Variants in STAM observed in about 807,000 individuals in gnomAD.
STAM encodes signal transducing adaptor molecule.
Under a neutral mutation model 63.4 loss-of-function variants are expected in STAM, and 16 were observed. The observed-to-expected ratio is 0.25, with a 90% CI of 0.17 to 0.38. The LOEUF (loss-of-function observed/expected upper bound fraction) is 0.38, where lower values mean the gene tolerates loss of function less well. STAM is among the 10% of genes least tolerant of loss of function. STAM has a pLI of 1.00. For missense variants in STAM, 636 were observed against 657.1 expected (o/e 0.97, Z 0.35); for synonymous variants, 238 against 223.9 (o/e 1.06, Z -0.56).
At chr10:17,699,239 G>T (rs575270419) in intron 8 of STAM, among the ~76,000 whole-genome samples, 9 of 152,300 alleles carry the variant, frequency 5.9e-5, no homozygotes, top group Admixed American at 3.9e-4. Flanking sequence ...TATCTCATAA[G>T]ATTGGGAGAT....
intron 13 of STAM, among the ~76,000 whole-genome samples, chr10:17,711,498 T>C (rs1017171668): frequency 4.6e-5 from 7 of 152,230 alleles, no homozygotes; most frequent in Admixed American, 4.6e-4. Flanking sequence ...TATAATTTTA[T>C]ACAACATGAT....
chr10:17,696,139 CACAA>C (rs1835744804), intron 7 of STAM: 1 of 151,934 alleles, frequency 6.6e-6, no homozygotes, highest in South Asian at 2.1e-4. Context: ...TTTGGGAAGA[CACAA>C]ACATTCAGAC....
intron 2 of STAM, among the ~76,000 whole-genome samples, chr10:17,669,919 A>C (rs1350735295): frequency 7.3e-6 from 1 of 137,060 alleles, no homozygotes; most frequent in African/African-American, 2.7e-5. Context: ...TTTAGTAGAC[A>C]CGTGGTTTCA....
intron 13 of STAM, among the ~76,000 whole-genome samples, chr10:17,711,681 G>T (rs1836559552): frequency 6.6e-6 from 1 of 152,184 alleles, no homozygotes; most frequent in South Asian, 2.1e-4. Context: ...AAGATGGGAG[G>T]TGTGAAAGGC....
chr10:17,685,758 C>A (rs941700398), intron 4 of STAM, among the ~76,000 whole-genome samples: 4 of 152,114 alleles, frequency 2.6e-5, no homozygotes, highest in Non-Finnish European at 5.9e-5. Context: ...CTCTGTTTTT[C>A]TATTGGGACA....
chr10:17,689,795 G>C (rs1282960946), intron 5 of STAM, among the ~76,000 whole-genome samples: 2 of 152,140 alleles, frequency 1.3e-5, no homozygotes, highest in African/African-American at 4.8e-5. Flanking sequence ...ATTACCTGGA[G>C]GCTTGTTAGA....
intron 6 of STAM, 122 bp from the exon 7 acceptor site, chr10:17,694,927 T>C (rs1421962437): frequency 1.2e-6 from 1 of 805,912 alleles, no homozygotes; most frequent in Admixed American, 3.1e-5. Flanking sequence ...TATCAGGATA[T>C]GTTCTAGTTT....
At chr10:17,657,647 G>A (rs952523806) in intron 1 of STAM, among the ~76,000 whole-genome samples, 3 of 152,288 alleles carry the variant, frequency 2.0e-5, no homozygotes, top group South Asian at 2.1e-4. Flanking sequence ...TTAAATAGAT[G>A]TGGGCCATTT....
chr10:17,705,132 A>AGTTGGTTCCT, intron 11 of STAM, 108 bp downstream of exon 11: 1 of 847,068 alleles, frequency 1.2e-6, no homozygotes, highest in Non-Finnish European at 1.9e-6. Context: ...TTGTGGAGGA[A>AGTTGGTTCCT]CCAACTCTCA....
intron 8 of STAM, 145 bp downstream of exon 8, chr10:17,697,014 G>A (rs2131663793): frequency 4.9e-6 from 3 of 618,248 alleles, no homozygotes; most frequent in Non-Finnish European, 8.5e-6. Context: ...CCGCCTCCTG[G>A]GTTCAGGTGA....
rs191044295 is a variant in STAM, at chr10:17,706,052, C to T, written c.1209+311C>T. 3.2e-3 allele frequency among the ~76,000 whole-genome samples: 481 copies of T among 152,044 alleles called. 2 individuals carry two copies. The highest frequency in any genetic ancestry group is 0.011 in the African/African-American group (463 of 41,466). On this transcript the variant is annotated intron_variant, in intron 12 of 13. Transcript: ENST00000377524. The stretch of plus-strand genomic sequence containing the variant: ...CACTGCAGTCTAGCCTGGGCAACAG[C>T]GACACCCTGTCTCTAAAATAAATAA...
chr10:17,662,093 T>C (rs1430273902), intron 2 of STAM, among the ~76,000 whole-genome samples: 1 of 152,212 alleles, frequency 6.6e-6, no homozygotes, highest in Non-Finnish European at 1.5e-5. Context: ...TTTTTCTGTT[T>C]CCATCTCTTT....
intron 6 of STAM, among the ~76,000 whole-genome samples, chr10:17,694,474 T>C (rs1835671214): frequency 6.6e-6 from 1 of 152,206 alleles, no homozygotes; most frequent in Non-Finnish European, 1.5e-5. Context: ...GCACTGATAT[T>C]ACATTTCAGA....
intron 2 of STAM, among the ~76,000 whole-genome samples, chr10:17,668,938 G>A (rs1219992095): frequency 2.0e-5 from 3 of 152,296 alleles, no homozygotes; most frequent in Admixed American, 6.5e-5. Context: ...GCAGCCTTTT[G>A]TGTTGACATC....
At chr10:17,669,118 A>G (rs1244965410) in intron 2 of STAM, among the ~76,000 whole-genome samples, 2 of 152,214 alleles carry the variant, frequency 1.3e-5, no homozygotes, top group Non-Finnish European at 2.9e-5. Context: ...GGCAGTATGA[A>G]GTATGGTTCT....
intron 1 of STAM, among the ~76,000 whole-genome samples, chr10:17,649,521 A>T (rs1390527466): frequency 1.3e-5 from 2 of 152,078 alleles, no homozygotes; most frequent in African/African-American, 4.8e-5. Flanking sequence ...TTTGTGTGGA[A>T]TATAAACTCC....
At chr10:17,710,566 C>G (rs897234261) in intron 13 of STAM, among the ~76,000 whole-genome samples, 5 of 152,318 alleles carry the variant, frequency 3.3e-5, no homozygotes, top group Admixed American at 6.5e-5. Flanking sequence ...GGGACATCTT[C>G]CTTGCTTTTC....
At chr10:17,658,552 C>A (rs1554822457) in intron 1 of STAM, among the ~76,000 whole-genome samples, 1 of 152,118 alleles carries the variant, frequency 6.6e-6, no homozygotes, top group South Asian at 2.1e-4. Flanking sequence ...GCTCTGTCGC[C>A]CAGGCTGGAG....
intron 2 of STAM, among the ~76,000 whole-genome samples, chr10:17,662,034 T>C (rs1263959324): frequency 6.6e-6 from 1 of 152,216 alleles, no homozygotes; most frequent in Non-Finnish European, 1.5e-5. Context: ...TACTTTACTT[T>C]GGACGTTCCT....
Sources: gnomAD v4.1 joint callset for allele counts (sites outside exome capture counted in the v4.1 genomes callset) on GRCh38, gnomAD v4.1.1 for gene constraint, MANE v1.5 for transcripts, NCBI Gene and HGNC (gene_info 2026-07-23, HGNC 2026-07-21) for gene names.